NKAIN3: variants seen among roughly 807,000 people sequenced by gnomAD.
NKAIN3 encodes sodium/potassium-transporting ATPase subunit beta-1-interacting protein 3.
NKAIN3 carries 25 observed loss-of-function variants against 30.2 expected under a neutral mutation model. The ratio of observed to expected loss-of-function variants is 0.83; its 90% CI spans 0.60 to 1.16. NKAIN3 has a LOEUF of 1.16. Ranked by LOEUF, NKAIN3 falls within the 50% of genes most tolerant of loss-of-function variation. The pLI is 0.00. For synonymous variants in NKAIN3, 91 were observed against 89.6 expected (o/e 1.02, Z -0.09); for missense variants, 225 against 254.1 (o/e 0.89, Z 0.78).
chr8:62,605,526 A>G (rs1811098394), intron 3 of NKAIN3, among the ~76,000 whole-genome samples: 1 of 151,996 alleles, frequency 6.6e-6, no homozygotes, highest in African/African-American at 2.4e-5. Context: ...AGTATTTAGT[A>G]TACAGTCTGC....
At chr8:62,529,878 G>T (rs1182573478) in intron 1 of NKAIN3, among the ~76,000 whole-genome samples, 1 of 152,094 alleles carries the variant, frequency 6.6e-6, no homozygotes, top group Non-Finnish European at 1.5e-5. Flanking sequence ...TGTTATCTTT[G>T]TATAAAAAGG....
At chr8:62,471,693 G>T (rs77580724) in intron 1 of NKAIN3, among the ~76,000 whole-genome samples, 1 of 152,024 alleles carries the variant, frequency 6.6e-6, no homozygotes, top group Non-Finnish European at 1.5e-5. Context: ...GGTGACTCAC[G>T]TCTATAATCC....
Position 62,778,785 on chromosome 8 carries a change from C to T in NKAIN3, c.471+31656C>T, listed in dbSNP as rs1817265646. On this transcript the variant is annotated intron_variant, in intron 4 of 6. Transcript: ENST00000623646. ...CTTTTCTCAAGCAGAAAGAGTCCCT[C>T]CTCATAGCTACCATAGCTGGGAATG... is the stretch of plus-strand genomic sequence containing the variant. Among the ~76,000 whole-genome samples the T allele has an allele frequency of 2.0e-5, 3 of 152,030 alleles. No individual in the cohort carries two copies. The South Asian group carries it at 6.2e-4, about 32-fold the overall frequency.
chr8:62,471,758 A>T (rs13269770), intron 1 of NKAIN3, among the ~76,000 whole-genome samples: 28,031 of 152,088 alleles, frequency 0.18, 2,694 homozygotes, highest in African/African-American at 0.22. Flanking sequence ...AGCCTGGGCA[A>T]CATAGGAAGA....
chr8:62,800,913 T>G (rs1206805773), intron 4 of NKAIN3, among the ~76,000 whole-genome samples: 3 of 148,616 alleles, frequency 2.0e-5, no homozygotes, highest in East Asian at 2.0e-4. Context: ...ACTCCCACCC[T>G]AATACTGCGC....
chr8:62,700,068 T>G (rs1035723284), intron 3 of NKAIN3, among the ~76,000 whole-genome samples: 1 of 152,046 alleles, frequency 6.6e-6, no homozygotes, highest in Non-Finnish European at 1.5e-5. Context: ...AAGGCTGCAG[T>G]GAACTATGAT....
chr8:62,796,789 T>TACACACACACACACACACACACACAC (rs144656283), intron 4 of NKAIN3, among the ~76,000 whole-genome samples: 2 of 146,064 alleles, frequency 1.4e-5, no homozygotes, highest in Non-Finnish European at 3.0e-5. Context: ...GTATCACACA[T>TACACACACACACACACACACACACAC]ACACACACAC....
At chr8:62,534,487 AT>A (rs1226982636) in intron 1 of NKAIN3, among the ~76,000 whole-genome samples, 9 of 152,042 alleles carry the variant, frequency 5.9e-5, no homozygotes, top group African/African-American at 1.7e-4. Context: ...CATTAAATGT[AT>A]TTTTTTCACA....
intron 4 of NKAIN3, among the ~76,000 whole-genome samples, chr8:62,851,345 G>T (rs1347561425): frequency 6.6e-6 from 1 of 152,030 alleles, no homozygotes; most frequent in Non-Finnish European, 1.5e-5. Flanking sequence ...ATCAGCTTAA[G>T]GAGATTTTGG....
chr8:62,282,921 G>A (rs1161134671), intron 1 of NKAIN3, among the ~76,000 whole-genome samples: 1 of 152,032 alleles, frequency 6.6e-6, no homozygotes, highest in African/African-American at 2.4e-5. Context: ...AACACTAGAT[G>A]CGCATTATAG....
At chr8:62,617,988 A>G (rs994859512) in intron 3 of NKAIN3, among the ~76,000 whole-genome samples, 48 of 152,352 alleles carry the variant, frequency 3.2e-4, no homozygotes, top group Admixed American at 1.3e-4. Flanking sequence ...TTCAAGCATC[A>G]AAGACTGTAA....
At chr8:62,680,132 A>T (rs1190962386) in intron 3 of NKAIN3, among the ~76,000 whole-genome samples, 3 of 152,158 alleles carry the variant, frequency 2.0e-5, no homozygotes, top group Non-Finnish European at 4.4e-5. Context: ...GGAATGCAAA[A>T]GCCTCTAGAA....
At chr8:62,458,947 C>A (rs1339459419) in intron 1 of NKAIN3, among the ~76,000 whole-genome samples, 1 of 151,802 alleles carries the variant, frequency 6.6e-6, no homozygotes, top group Non-Finnish European at 1.5e-5. Context: ...GTGAGATTTT[C>A]AGACTCTCTG....
rs531340418 is a variant in NKAIN3, at chr8:62,712,259, G to T, written c.274-34673G>T. ...TTTCCAGAGAATATCAGCTATGGTA[G>T]TATGGGTAGGAACTGGCAGTGGGCA... On this transcript the variant is annotated intron_variant, in intron 3 of 6. Transcript: ENST00000623646. Among the ~76,000 whole-genome samples the T allele has an allele frequency of 2.0e-5, 3 of 152,278 alleles. No individual in the cohort carries two copies. The South Asian group carries it at 6.2e-4, about 32-fold the overall frequency.
At chr8:62,768,653 A>G (rs1816922035) in intron 4 of NKAIN3, among the ~76,000 whole-genome samples, 2 of 152,204 alleles carry the variant, frequency 1.3e-5, no homozygotes, top group South Asian at 4.1e-4. Context: ...CATTTTCAGC[A>G]GACAACAGTC....
rs112302923 is a variant in NKAIN3, at chr8:62,307,769, C to G, written c.54+58642C>G. 9.8e-3 allele frequency among the ~76,000 whole-genome samples: 1,472 copies of G among 150,808 alleles called. 148 individuals carry two copies. The highest frequency in any genetic ancestry group is 0.035 in the African/African-American group (1,387 of 40,188). Reference sequence around the variant, plus strand: ...CGCAACATGAGAAATATTATGTGAACTGCATGAAACTTTTTGAGACAAGAA... The same window carrying G: ...CGCAACATGAGAAATATTATGTGAAGTGCATGAAACTTTTTGAGACAAGAA... On this transcript the variant is annotated intron_variant, in intron 1 of 6. Transcript: ENST00000623646.
At chr8:62,681,747 C>G (rs1030081655) in intron 3 of NKAIN3, among the ~76,000 whole-genome samples, 1 of 152,090 alleles carries the variant, frequency 6.6e-6, no homozygotes, top group Non-Finnish European at 1.5e-5. Context: ...TATATACTCC[C>G]AGATAACATA....
intron 1 of NKAIN3, among the ~76,000 whole-genome samples, chr8:62,493,027 A>G (rs1005875703): frequency 3.9e-5 from 6 of 152,076 alleles, no homozygotes; most frequent in Non-Finnish European, 8.8e-5. Context: ...TTTTAACTTA[A>G]TTAAACTTAA....
chr8:62,650,189 A>G (rs1198393951), intron 3 of NKAIN3, among the ~76,000 whole-genome samples: 6 of 152,150 alleles, frequency 3.9e-5, no homozygotes, highest in Non-Finnish European at 7.4e-5. Context: ...TCTTTATATG[A>G]ACTTGTAATA....
Sources: gnomAD v4.1 joint callset for allele counts (sites outside exome capture counted in the v4.1 genomes callset) on GRCh38, gnomAD v4.1.1 for gene constraint, MANE v1.5 for transcripts, NCBI Gene and HGNC (gene_info 2026-07-23, HGNC 2026-07-21) for gene names.